OTOA: variants seen among roughly 807,000 people sequenced by gnomAD.
OTOA encodes the protein cancer/testis antigen 108.
A neutral mutation model predicts 110.8 loss-of-function variants in OTOA; 70 were observed. That is an observed-to-expected ratio of 0.63 (90% CI 0.52 to 0.77). The LOEUF is 0.77. OTOA is among the 30% of genes least tolerant of loss of function. The probability of loss-of-function intolerance (pLI) is 0.00; values close to 1 mark genes in which losing one functional copy is unlikely to be tolerated. For missense variants in OTOA, 917 were observed against 1,075.8 expected (o/e 0.85, Z 2.06); for synonymous variants, 373 against 431.5 (o/e 0.86, Z 1.68).
intron 11 of OTOA, among the ~76,000 whole-genome samples, chr16:21,702,824 C>G (rs536488373): frequency 6.6e-6 from 1 of 152,036 alleles, no homozygotes; most frequent in African/African-American, 2.4e-5. Flanking sequence ...TACAGGCACA[C>G]GCCACCACGC....
Position 21,697,817 on chromosome 16 carries a change from T to G in OTOA, c.782T>G (p.Leu261Trp), listed in dbSNP as rs746670771. ...GTCAGTGCGGAACACTTATGGGTTT[T>G]GGGCAGATACATGGTTCACCTATCG... ...SWVSAEHLWV[L>W]GRYMVHLSFE... The change falls in exon 10 of 29, where the codon TTG becomes TGG. Residue 261 changes from leucine to tryptophan, a missense_variant. This residue lies in a region of OTOA where 840 missense variants were observed against 910.2 expected (regional missense o/e 0.92). Coordinates refer to ENST00000646100, the MANE Select transcript of OTOA (RefSeq NM_144672.4). The G allele has an allele frequency of 3.1e-6, 5 of 1,614,048 alleles. No individual in the cohort carries two copies. The South Asian group carries it at 4.4e-5, about 14-fold the overall frequency.
chr16:21,716,651 TTAAAA>T (rs1158388066), intron 14 of OTOA, among the ~76,000 whole-genome samples: 1 of 151,932 alleles, frequency 6.6e-6, no homozygotes, highest in Non-Finnish European at 1.5e-5. Context: ...GCCCATACAG[TTAAAA>T]TAAAGAAATA....
intron 20 of OTOA, chr16:21,729,485 T>G (rs1432733704): frequency 1.3e-5 from 2 of 152,228 alleles, no homozygotes; most frequent in East Asian, 3.8e-4. Context: ...CTGATGAACC[T>G]ATGTTGACAT....
chr16:21,666,241 G>A (rs796682942), intron 1 of OTOA, among the ~76,000 whole-genome samples: 2 of 134,572 alleles, frequency 1.5e-5, no homozygotes, highest in African/African-American at 6.3e-5. Flanking sequence ...TCATGAAATG[G>A]CATTTTTTTT....
intron 12 of OTOA, among the ~76,000 whole-genome samples, chr16:21,706,858 T>G (rs972834585): frequency 6.7e-5 from 10 of 150,306 alleles, no homozygotes; most frequent in African/African-American, 2.4e-4. Context: ...ATTTTTTTTT[T>G]TTTTTGAGTT....
chr16:21,667,070 C>T (rs1035843301), intron 1 of OTOA, among the ~76,000 whole-genome samples: 8 of 152,100 alleles, frequency 5.3e-5, no homozygotes, highest in Admixed American at 5.2e-4. Flanking sequence ...TTCCCCAAAG[C>T]CCCAAATGAC....
chr16:21,725,674 G>T (rs751930889), intron 18 of OTOA, among the ~76,000 whole-genome samples: 1 of 152,128 alleles, frequency 6.6e-6, no homozygotes, highest in Admixed American at 6.5e-5. Context: ...GCATAGAGGC[G>T]GAAGAACATG....
At chr16:21,724,250 A>G (rs1898845860) in intron 18 of OTOA, among the ~76,000 whole-genome samples, 2 of 152,056 alleles carry the variant, frequency 1.3e-5, no homozygotes, top group African/African-American at 4.8e-5. Flanking sequence ...AAGGGGAGGG[A>G]TAATGAGGAC....
chr16:21,671,900 G>A (rs769887496), intron 1 of OTOA, among the ~76,000 whole-genome samples: 2 of 152,102 alleles, frequency 1.3e-5, no homozygotes, highest in Admixed American at 1.3e-4. Context: ...TGGGAAGCTC[G>A]AAGGGAGGAT....
In OTOA at chr16:21,717,057, T is replaced by G. The variant is rs749500886; in HGVS notation, c.1629+10T>G. 1 of 1,614,072 alleles carries G rather than the reference T, an allele frequency of 6.2e-7. No individual in the cohort carries two copies. Among genetic ancestry groups the G allele is most frequent in the Admixed American group, 1.7e-5 (1 of 60,018 alleles). ...ACTTGGAAGGAGCCAGGTATTACCA[T>G]GAAACACAGATCGATCCTGTATTTC... On this transcript the variant is annotated intron_variant, in intron 15 of 28. Coordinates refer to ENST00000646100, the MANE Select transcript of OTOA (RefSeq NM_144672.4).
Position 21,709,977 on chromosome 16 carries a change from C to G in OTOA, c.1194C>G (p.Thr398=). 1 of 1,614,020 alleles carries G rather than the reference C, an allele frequency of 6.2e-7. No individual in the cohort carries two copies. The highest frequency in any genetic ancestry group is 8.5e-7 in the Non-Finnish European group (1 of 1,179,958). The change falls in exon 13 of 29, where the codon ACC becomes ACG. Residue 398 remains threonine, a synonymous_variant. Transcript: ENST00000646100. ...TGTCGGATGCAGTTGTAGGTTTGACCTACAGCCAACTGGAATCCCTCTCCC... is the reference window on the plus strand; with the variant it reads ...TGTCGGATGCAGTTGTAGGTTTGACGTACAGCCAACTGGAATCCCTCTCCC... ...GSLSDAVVGL[T]YSQLESLSPE...
At chr16:21,706,893 G>T (rs1898184978) in intron 12 of OTOA, among the ~76,000 whole-genome samples, 1 of 133,692 alleles carries the variant, frequency 7.5e-6, no homozygotes. Flanking sequence ...AGGCTGGAAT[G>T]CAGTGGCATA....
chr16:21,743,423 A>G (rs1172325037), intron 23 of OTOA, among the ~76,000 whole-genome samples: 2 of 152,312 alleles, frequency 1.3e-5, no homozygotes, highest in Non-Finnish European at 2.9e-5. Context: ...TGCATTAAAA[A>G]AATGCCTCAA....
intron 1 of OTOA, among the ~76,000 whole-genome samples, chr16:21,669,588 T>A (rs759822062): frequency 8.5e-5 from 13 of 152,114 alleles, no homozygotes; most frequent in Non-Finnish European, 1.6e-4. Flanking sequence ...CCCATCTCCC[T>A]CTCTACATGC....
chr16:21,729,219 A>T (rs1899030750), intron 20 of OTOA, among the ~76,000 whole-genome samples: 1 of 151,394 alleles, frequency 6.6e-6, no homozygotes, highest in Non-Finnish European at 1.5e-5. Context: ...ATTTTTTTTT[A>T]AGGGATGGAA....
chr16:21,699,185 A>G (rs1898001781), intron 10 of OTOA, among the ~76,000 whole-genome samples: 1 of 152,072 alleles, frequency 6.6e-6, no homozygotes, highest in Non-Finnish European at 1.5e-5. Context: ...TCTTGACCTC[A>G]GGTGATCTGC....
intron 18 of OTOA, among the ~76,000 whole-genome samples, chr16:21,725,635 G>A (rs548621967): frequency 1.3e-5 from 2 of 152,124 alleles, no homozygotes; most frequent in Non-Finnish European, 2.9e-5. Context: ...TGACAGGCTT[G>A]GGATAAAGAA....
intron 22 of OTOA, among the ~76,000 whole-genome samples, chr16:21,739,129 T>G (rs1597860549): frequency 6.6e-6 from 1 of 151,582 alleles, no homozygotes; most frequent in South Asian, 2.1e-4. Context: ...TGTGCTTTAG[T>G]GATTGATGGA....
chr16:21,714,877 C>T, intron 13 of OTOA, 108 bp from the exon 14 acceptor site: 2 of 1,435,506 alleles, frequency 1.4e-6, no homozygotes, highest in Non-Finnish European at 1.9e-6. Flanking sequence ...ACTGCTGTGC[C>T]CCTAAGGTGT....
Sources: allele counts gnomAD v4.1 joint callset (sites outside exome capture counted in the v4.1 genomes callset), GRCh38; gene constraint gnomAD v4.1.1; regional missense constraint gnomAD v4.1.1; transcripts MANE v1.5; gene names NCBI Gene and HGNC (gene_info 2026-07-23, HGNC 2026-07-21).